NAA15: variants seen among roughly 807,000 people sequenced by gnomAD.
NAA15 encodes the protein N-terminal acetyltransferase.
Under a neutral mutation model 114.0 loss-of-function variants are expected in NAA15, and 34 were observed. That is an observed-to-expected ratio of 0.30 (90% confidence interval 0.23 to 0.40). The LOEUF is 0.40. Among genes scored for constraint, NAA15 ranks in the 10% least tolerant of loss-of-function variants. The pLI is 1.00. For synonymous variants in NAA15, 340 were observed against 338.0 expected (o/e 1.01, Z -0.06); for missense variants, 658 against 1,004.5 (o/e 0.66, Z 4.66).
At chr4:139,307,692 A>G (rs375895579) in intron 1 of NAA15, among the ~76,000 whole-genome samples, 1 of 152,260 alleles carries the variant, frequency 6.6e-6, no homozygotes, top group East Asian at 1.9e-4. Context: ...TGGACACAGC[A>G]TGCTTTATTT....
At chr4:139,347,530 C>T (rs1342340046) in intron 6 of NAA15, among the ~76,000 whole-genome samples, 1 of 152,136 alleles carries the variant, frequency 6.6e-6, no homozygotes. Context: ...CCCAGCTATT[C>T]AGGAGGCTGC....
chr4:139,351,896 A>G (rs1747790617), intron 9 of NAA15, among the ~76,000 whole-genome samples: 1 of 148,662 alleles, frequency 6.7e-6, no homozygotes, highest in Non-Finnish European at 1.5e-5. Context: ...TTTCTTCACC[A>G]TTTTCTTTCA....
chr4:139,323,802 A>G (rs1475603941), intron 1 of NAA15, among the ~76,000 whole-genome samples: 1 of 152,228 alleles, frequency 6.6e-6, no homozygotes, highest in Non-Finnish European at 1.5e-5. Context: ...TATAGTTGGC[A>G]GGAACCTCAT....
rs754903107 is a variant in NAA15, at chr4:139,336,969, A to G, written c.244+17A>G. 5.2e-6 allele frequency: 8 copies of G among 1,531,284 alleles called. No individual in the cohort carries two copies. The highest frequency in any genetic ancestry group is 2.5e-5 in the South Asian group (2 of 79,220). 94.9% of individuals were successfully genotyped at this position (1,531,284 alleles called of 1,614,324 possible). On this transcript the variant is annotated intron_variant, in intron 3 of 19. Coordinates refer to ENST00000296543, the MANE Select transcript of NAA15 (RefSeq NM_057175.5). Reference sequence around the variant, plus strand: ...GTCATGTGTGTATCCTTTTTGAGATATATTTAAGGTTTGAGTGGGGTGTTT... The same window carrying G: ...GTCATGTGTGTATCCTTTTTGAGATGTATTTAAGGTTTGAGTGGGGTGTTT...
intron 1 of NAA15, among the ~76,000 whole-genome samples, chr4:139,324,288 T>C (rs964626163): frequency 1.3e-5 from 2 of 152,260 alleles, no homozygotes; most frequent in African/African-American, 4.8e-5. Context: ...ATTATTCTTC[T>C]AGTATTTTTG....
At chr4:139,353,261 G>T (rs1579116840) in intron 9 of NAA15, among the ~76,000 whole-genome samples, 1 of 152,120 alleles carries the variant, frequency 6.6e-6, no homozygotes, top group South Asian at 2.1e-4. Flanking sequence ...GTCTTAGTAG[G>T]CTTGTAGCTC....
intron 13 of NAA15, 70 bp downstream of exon 13, chr4:139,360,698 T>C (rs2110957318): frequency 7.4e-7 from 1 of 1,353,890 alleles, no homozygotes; most frequent in Admixed American, 2.7e-5. Context: ...TTCATAGTTT[T>C]TTTCTCTTCT....
At chr4:139,345,130 A>G (rs1304304800) in intron 6 of NAA15, among the ~76,000 whole-genome samples, 1 of 152,242 alleles carries the variant, frequency 6.6e-6, no homozygotes, top group Non-Finnish European at 1.5e-5. Flanking sequence ...TATAATATAC[A>G]TCCATGTGCA....
In NAA15 at chr4:139,357,045, A is replaced by G. The variant is rs576391380; in HGVS notation, c.1088-341A>G. ...CATTTTTAATTTCTTCCCCCTTTATAAATAACATCCTGATCAGTATGCTCT... is the reference window on the plus strand; with the variant it reads ...CATTTTTAATTTCTTCCCCCTTTATGAATAACATCCTGATCAGTATGCTCT... On this transcript the variant is annotated intron_variant, in intron 10 of 19. Coordinates refer to ENST00000296543, the MANE Select transcript of NAA15 (RefSeq NM_057175.5). Among the ~76,000 whole-genome samples the G allele has an allele frequency of 6.4e-4, 97 of 151,974 alleles. 2 individuals carry two copies. In the South Asian group the frequency reaches 0.02, roughly 31 times the overall value.
chr4:139,334,890 G>A (rs933286805), intron 2 of NAA15, among the ~76,000 whole-genome samples: 14 of 152,260 alleles, frequency 9.2e-5, no homozygotes, highest in African/African-American at 2.6e-4. Context: ...GGGGAGAGTA[G>A]TAATTCTCCA....
intron 17 of NAA15, among the ~76,000 whole-genome samples, chr4:139,379,679 A>G (rs144908358): frequency 1.3e-5 from 2 of 152,338 alleles, no homozygotes; most frequent in African/African-American, 4.8e-5. Flanking sequence ...TGCCAACTCC[A>G]TACATTTAAA....
chr4:139,357,532 C>G lies in NAA15; in HGVS notation c.1234C>G (p.Leu412Val). The change falls in exon 11 of 20, where the codon CTC (leucine) becomes GTC (valine). Residue 412 changes from leucine to valine, a missense_variant. Coordinates refer to ENST00000296543, the MANE Select transcript of NAA15 (RefSeq NM_057175.5). The stretch of plus-strand genomic sequence containing the variant: ...TACACCTACATTAATAGAACTCTTT[C>G]TCGTGAAAGCTAAAATCTATAAGGT... ...ESTPTLIELFLVKAKIYKHAG... is the reference protein window; with the variant it reads ...ESTPTLIELFVVKAKIYKHAG... 1 of 1,606,616 alleles carries G rather than the reference C, an allele frequency of 6.2e-7. No homozygotes were observed. Among genetic ancestry groups the G allele is most frequent in the Non-Finnish European group, 8.5e-7 (1 of 1,174,466 alleles).
chr4:139,384,871 C>T lies in NAA15; in HGVS notation c.2195C>T (p.Thr732Ile), dbSNP rs780219340. The change falls in exon 18 of 20, where the codon ACA becomes ATA. Residue 732 changes from threonine (T) to isoleucine (I), a missense_variant. Coordinates refer to ENST00000296543, the MANE Select transcript of NAA15 (RefSeq NM_057175.5). ...ESKDLSDTVR[T>I]VLKQEMNRLF... Reference sequence around the variant, plus strand: ...AAAGATTTATCTGATACAGTTAGAACAGTATTAAAACAAGAAATGAATCGT... The same window carrying T: ...AAAGATTTATCTGATACAGTTAGAATAGTATTAAAACAAGAAATGAATCGT... 1.3e-6 allele frequency: 2 copies of T among 1,537,556 alleles called. No individual in the cohort carries two copies. Among genetic ancestry groups the T allele is most frequent in the Non-Finnish European group, 1.8e-6 (2 of 1,137,338 alleles).
intron 14 of NAA15, among the ~76,000 whole-genome samples, chr4:139,368,683 CAT>C (rs1211720820): frequency 6.6e-6 from 1 of 152,066 alleles, no homozygotes; most frequent in Non-Finnish European, 1.5e-5. Context: ...ACTCCTTACA[CAT>C]GAGTCACTAA....
chr4:139,363,700 C>T (rs565404757), intron 14 of NAA15, among the ~76,000 whole-genome samples: 4 of 152,176 alleles, frequency 2.6e-5, no homozygotes, highest in African/African-American at 9.6e-5. Flanking sequence ...AAGTGGAAAT[C>T]GGTGGGTTGA....
At chr4:139,304,393 C>A (rs1745936077) in intron 1 of NAA15, among the ~76,000 whole-genome samples, 1 of 152,148 alleles carries the variant, frequency 6.6e-6, no homozygotes, top group South Asian at 2.1e-4. Context: ...TTCAGATTTC[C>A]CCACTTTACT....
intron 5 of NAA15, among the ~76,000 whole-genome samples, chr4:139,343,958 A>G (rs1212633464): frequency 6.6e-6 from 1 of 151,982 alleles, no homozygotes; most frequent in Non-Finnish European, 1.5e-5. Flanking sequence ...TCTTCCCCAT[A>G]TTTATTGTGT....
In NAA15 at chr4:139,361,909, T is replaced by C. The variant is rs199729424; in HGVS notation, c.1725T>C (p.Asp575=). 4 of 1,613,352 alleles carry C rather than the reference T, an allele frequency of 2.5e-6. No individual in the cohort carries two copies. In the East Asian group the frequency reaches 6.7e-5, roughly 27 times the overall value. The change falls in exon 14 of 20, where the codon GAT becomes GAC. Residue 575 remains aspartate, a synonymous_variant. Transcript: ENST00000296543. Reference sequence around the variant, plus strand: ...AGCTTCATGACAACCCCCTTACAGATGAGAATAAAGAACACGAAGCTGATA... The same window carrying C: ...AGCTTCATGACAACCCCCTTACAGACGAGAATAAAGAACACGAAGCTGATA... The part of the protein sequence containing the change: ...YLKLHDNPLT[D]ENKEHEADTA...
intron 1 of NAA15, among the ~76,000 whole-genome samples, chr4:139,320,743 A>T (rs1306252948): frequency 2.0e-5 from 3 of 151,982 alleles, no homozygotes; most frequent in Non-Finnish European, 2.9e-5. Flanking sequence ...CTGGTCTCGA[A>T]CTCCTGACCT....
Sources: gnomAD v4.1 joint callset for allele counts (sites outside exome capture counted in the v4.1 genomes callset) on GRCh38, gnomAD v4.1.1 for gene constraint, MANE v1.5 for transcripts, NCBI Gene and HGNC (gene_info 2026-07-23, HGNC 2026-07-21) for gene names.